The following CALN1 variants were observed in gnomAD, a reference collection of about 807,000 sequenced individuals.
CALN1 encodes calcium-binding protein 8.
Under a neutral mutation model 30.6 loss-of-function variants are expected in CALN1, and 17 were observed. The ratio of observed to expected loss-of-function variants is 0.56; its 90% CI spans 0.38 to 0.83. The LOEUF (loss-of-function observed/expected upper bound fraction) is 0.83. CALN1 is among the 40% of genes least tolerant of loss of function. The pLI is 0.00. For synonymous variants in CALN1, 156 were observed against 131.4 expected (o/e 1.19, Z -1.28); for missense variants, 291 against 354.9 (o/e 0.82, Z 1.45).
At chr7:72,149,091 T>A (rs112412566) in intron 3 of CALN1, among the ~76,000 whole-genome samples, 3,954 of 152,208 alleles carry the variant, frequency 0.026, 185 homozygotes, top group African/African-American at 0.09. Flanking sequence ...CTGCCATAAG[T>A]ATAAGCTCCC....
chr7:72,125,239 T>G (rs1465624211), intron 3 of CALN1, among the ~76,000 whole-genome samples: 1 of 152,156 alleles, frequency 6.6e-6, no homozygotes, highest in Admixed American at 6.5e-5. Context: ...GGTCTCAAAC[T>G]CCTGGCCTCA....
intron 3 of CALN1, among the ~76,000 whole-genome samples, chr7:72,224,765 C>T (rs893217121): frequency 4.1e-5 from 6 of 147,828 alleles, no homozygotes; most frequent in South Asian, 2.2e-4. Flanking sequence ...TAGGCAACAC[C>T]GTGAGACCCT....
At chr7:72,260,399 C>A (rs978407282) in intron 3 of CALN1, among the ~76,000 whole-genome samples, 1 of 152,162 alleles carries the variant, frequency 6.6e-6, no homozygotes, top group Non-Finnish European at 1.5e-5. Flanking sequence ...CTCATAAACA[C>A]ACACAATATT....
intron 2 of CALN1, among the ~76,000 whole-genome samples, chr7:72,352,249 C>T (rs536320918): frequency 3.3e-5 from 5 of 151,606 alleles, no homozygotes; most frequent in African/African-American, 7.3e-5. Flanking sequence ...ATTAGCCAGG[C>T]GTGGTGGCAC....
At chr7:72,378,757 G>A (rs1311218550) in intron 2 of CALN1, among the ~76,000 whole-genome samples, 4 of 151,454 alleles carry the variant, frequency 2.6e-5, no homozygotes, top group East Asian at 3.9e-4. Context: ...TAGTAGAGAC[G>A]AAGTTTCACC....
At chr7:72,430,140 ATATATGT>A (rs1396475039) in intron 1 of CALN1, among the ~76,000 whole-genome samples, 1 of 150,114 alleles carries the variant, frequency 6.7e-6, no homozygotes, top group Admixed American at 6.7e-5. Context: ...ATTTTAACAA[ATATATGT>A]AATTATTATA....
At chr7:72,148,675 C>T (rs1015178452) in intron 3 of CALN1, among the ~76,000 whole-genome samples, 2 of 152,032 alleles carry the variant, frequency 1.3e-5, no homozygotes, top group African/African-American at 4.8e-5. Context: ...GAGGCTGAGG[C>T]AGGCGGATCA....
At chr7:72,484,694 G>C in the CALN1 span, among the ~76,000 whole-genome samples, 1 of 152,150 alleles carries the variant, frequency 6.6e-6, no homozygotes, top group Non-Finnish European at 1.5e-5. Context: ...CAGAATGTCA[G>C]CTATCTCTTC....
chr7:72,351,092 G>C (rs1802895860), intron 2 of CALN1, among the ~76,000 whole-genome samples: 1 of 152,120 alleles, frequency 6.6e-6, no homozygotes, highest in Non-Finnish European at 1.5e-5. Context: ...AGTGAGCCAA[G>C]ATCACGCCAT....
chr7:72,339,951 C>T (rs559990053), intron 2 of CALN1, among the ~76,000 whole-genome samples: 54 of 152,200 alleles, frequency 3.5e-4, no homozygotes, highest in African/African-American at 1.2e-3. Context: ...TCAAACCATT[C>T]CCTATAGTCT....
rs1436328329 is a variant in CALN1, at chr7:71,923,226, GTTCT to G, written c.501+100427_501+100430del. Reference sequence around the variant, plus strand: ...GAGAAGGCACCCTTTATGCTCATTTGTTCTTTCTGACAGAAAAAGCCTACAGCCA... The same window carrying G: ...GAGAAGGCACCCTTTATGCTCATTTGTTCTGACAGAAAAAGCCTACAGCCA... On this transcript the variant is annotated intron_variant, in intron 5 of 6. Transcript: ENST00000395275. Among the ~76,000 whole-genome samples the G allele has an allele frequency of 3.9e-5, 6 of 152,118 alleles. 1 individual carries two copies. Among genetic ancestry groups the G allele is most frequent in the African/African-American group, 1.4e-4 (6 of 41,420 alleles).
intron 3 of CALN1, among the ~76,000 whole-genome samples, chr7:72,215,980 C>A (rs533467270): frequency 2.6e-5 from 4 of 152,224 alleles, no homozygotes; most frequent in African/African-American, 4.8e-5. Context: ...ATCTGAGACT[C>A]CTCCTGTTCA....
At chr7:72,225,976 GT>G (rs1793646687) in intron 3 of CALN1, among the ~76,000 whole-genome samples, 1 of 151,648 alleles carries the variant, frequency 6.6e-6, no homozygotes, top group South Asian at 2.1e-4. Flanking sequence ...CACACCTGTA[GT>G]CCCAGCTACT....
chr7:72,014,397 A>G (rs1307016681), intron 5 of CALN1, among the ~76,000 whole-genome samples: 1 of 151,562 alleles, frequency 6.6e-6, no homozygotes, highest in Non-Finnish European at 1.5e-5. Flanking sequence ...GAGTTTGCCT[A>G]TTTTATCTTG....
chr7:71,865,016 A>AAGAC (rs1052282936), intron 5 of CALN1, among the ~76,000 whole-genome samples: 3 of 151,340 alleles, frequency 2.0e-5, no homozygotes, highest in Admixed American at 2.0e-4. Context: ...AAAAGGAAAA[A>AAGAC]AGAAAGAAAG....
intron 5 of CALN1, among the ~76,000 whole-genome samples, 154 bp from the exon 6 acceptor site, chr7:71,810,646 A>G (rs1032949063): frequency 3.9e-5 from 6 of 152,136 alleles, no homozygotes; most frequent in African/African-American, 1.2e-4. Context: ...TTCAGCTCCA[A>G]GTATACTCAT....
chr7:72,082,958 T>C (rs922588953), intron 4 of CALN1, among the ~76,000 whole-genome samples: 4 of 152,092 alleles, frequency 2.6e-5, no homozygotes, highest in African/African-American at 7.2e-5. Flanking sequence ...TCCCAGCACT[T>C]TGGGAGGCTG....
intron 2 of CALN1, among the ~76,000 whole-genome samples, chr7:72,284,699 T>G (rs1244652459): frequency 6.6e-6 from 1 of 152,200 alleles, no homozygotes; most frequent in East Asian, 1.9e-4. Flanking sequence ...AGACTGGAAC[T>G]ATACCATTAT....
intron 2 of CALN1, among the ~76,000 whole-genome samples, chr7:72,376,901 A>T (rs932251503): frequency 1.1e-4 from 17 of 152,184 alleles, no homozygotes; most frequent in African/African-American, 4.1e-4. Flanking sequence ...GTATTTTTGC[A>T]TGTGGACATT....
Sources: gnomAD v4.1 joint callset for allele counts (sites outside exome capture counted in the v4.1 genomes callset) on GRCh38, gnomAD v4.1.1 for gene constraint, MANE v1.5 for transcripts, NCBI Gene and HGNC (gene_info 2026-07-23, HGNC 2026-07-21) for gene names.